WDR27: variants seen among roughly 807,000 people sequenced by gnomAD.
WDR27 encodes WD repeat domain 27.
A neutral mutation model predicts 114.4 loss-of-function variants in WDR27; 100 were observed. The ratio of observed to expected loss-of-function variants is 0.87; its 90% CI spans 0.74 to 1.03. The LOEUF is 1.03. Ranked by LOEUF, WDR27 falls within the 50% of genes least tolerant of loss-of-function variation. The pLI is 0.00. For synonymous variants in WDR27, 449 were observed against 423.1 expected (o/e 1.06, Z -0.75); for missense variants, 1,129 against 1,092.9 (o/e 1.03, Z -0.47).
At chr6:169,598,140 T>A (rs914181249) in intron 23 of WDR27, among the ~76,000 whole-genome samples, 1 of 152,174 alleles carries the variant, frequency 6.6e-6, no homozygotes, top group African/African-American at 2.4e-5. Context: ...ATATGAAGAA[T>A]GTGATCTTAT....
At chr6:169,502,360 C>G (rs968663075) in intron 25 of WDR27, among the ~76,000 whole-genome samples, 2 of 152,224 alleles carry the variant, frequency 1.3e-5, no homozygotes, top group Non-Finnish European at 2.9e-5. Flanking sequence ...CACGGACGGT[C>G]CCTGTCGCAG....
chr6:169,602,053 T>C (rs895290759), intron 23 of WDR27, among the ~76,000 whole-genome samples, 166 bp downstream of exon 23: 2 of 152,248 alleles, frequency 1.3e-5, no homozygotes, highest in Admixed American at 6.5e-5. Context: ...ACATCTTTCA[T>C]ACCTCACACA....
At chr6:169,569,560 A>G (rs893040507) in intron 25 of WDR27, among the ~76,000 whole-genome samples, 1 of 152,242 alleles carries the variant, frequency 6.6e-6, no homozygotes, top group East Asian at 1.9e-4. Flanking sequence ...CAAAGCAAAC[A>G]TAAATATGGT....
chr6:169,565,758 A>C (rs12206809), intron 25 of WDR27, among the ~76,000 whole-genome samples: 89,433 of 151,950 alleles, frequency 0.59, 29,044 homozygotes, highest in Non-Finnish European at 0.72. Flanking sequence ...CACTTGCAGC[A>C]TCGACCTCCC....
In WDR27 at chr6:169,668,524, A is replaced by C; in HGVS notation, c.457-339T>G. ...CAAGACGGTGCGGCAATAGGCGCTC[A>C]TGAGTTACCCTTTCCTCCTCAAGTC... is the stretch of plus-strand genomic sequence containing the variant. On this transcript the variant is annotated intron_variant, in intron 4 of 25. Transcript: ENST00000448612. 1.9e-5 allele frequency: 4 copies of C among 216,068 alleles called. No individual in the cohort carries two copies. The South Asian group carries it at 2.2e-4, about 12-fold the overall frequency. The allele number at this position is 216,068 out of a possible 1,614,324, so 13.4% of individuals were successfully genotyped here. A position where few individuals can be genotyped will look rare whatever the true frequency, so the allele number is the denominator to read the frequency against.
intron 25 of WDR27, among the ~76,000 whole-genome samples, chr6:169,462,308 G>A (rs960779614): frequency 3.3e-5 from 5 of 152,020 alleles, no homozygotes; most frequent in African/African-American, 9.7e-5. Context: ...GTAGTGGCAC[G>A]TGCCTGTAAT....
At chr6:169,596,605 C>T (rs1366233364) in intron 23 of WDR27, among the ~76,000 whole-genome samples, 3 of 151,582 alleles carry the variant, frequency 2.0e-5, no homozygotes, top group African/African-American at 7.3e-5. Flanking sequence ...TTGGTTCATC[C>T]TTATTTTTTT....
At position 169,686,030 on chromosome 6, in the gene WDR27, G is replaced by T. The variant is rs558507103; in HGVS notation, c.189+2787C>A. ...AGCAGAAACCTTACAGTTCAGGAGA[G>T]AACTGGTTGCTATATTCAAAGTACT... On this transcript the variant is annotated intron_variant, in intron 2 of 25. Coordinates refer to ENST00000448612, the MANE Select transcript of WDR27 (RefSeq NM_182552.5). Among the ~76,000 whole-genome samples, 5 of 152,308 alleles carry T rather than the reference G, an allele frequency of 3.3e-5. No homozygotes were observed. In the East Asian group the frequency reaches 7.7e-4, roughly 23 times the overall value.
chr6:169,658,387 A>C, intron 12 of WDR27, 29 bp from the exon 13 acceptor site: 3 of 1,538,598 alleles, frequency 1.9e-6, no homozygotes, highest in Non-Finnish European at 2.7e-6. Context: ...CCATGAAACT[A>C]GGAGCGCAAA....
At chr6:169,651,736 A>G (rs1352155420) in intron 14 of WDR27, among the ~76,000 whole-genome samples, 194 bp downstream of exon 14, 4 of 152,276 alleles carry the variant, frequency 2.6e-5, no homozygotes, top group African/African-American at 9.6e-5. Flanking sequence ...ATGCTCAGGA[A>G]ACGTTTGCTG....
downstream of WDR27, among the ~76,000 whole-genome samples, chr6:169,455,180 C>A (rs767653400): frequency 2.0e-5 from 3 of 152,218 alleles, no homozygotes; most frequent in Non-Finnish European, 4.4e-5. Context: ...GGCCTCTCAG[C>A]CTGATCAAGT....
the WDR27 span, among the ~76,000 whole-genome samples, chr6:169,429,419 A>G: frequency 7.0e-6 from 1 of 143,242 alleles, no homozygotes; most frequent in African/African-American, 2.5e-5. Context: ...TGTCTGCAAC[A>G]AGACTGAGTC....
intron 25 of WDR27, among the ~76,000 whole-genome samples, chr6:169,570,280 A>G (rs73790026): frequency 0.016 from 2,467 of 152,262 alleles, 63 homozygotes; most frequent in African/African-American, 0.057. Flanking sequence ...GGACAAACAC[A>G]AGGACTAAAA....
chr6:169,429,429 C>G, the WDR27 span, among the ~76,000 whole-genome samples: 4 of 104,348 alleles, frequency 3.8e-5, no homozygotes, highest in Non-Finnish European at 7.1e-5. Flanking sequence ...AAGACTGAGT[C>G]CTTTTTTTTT....
intron 25 of WDR27, among the ~76,000 whole-genome samples, chr6:169,542,634 T>G (rs1796969525): frequency 6.6e-6 from 1 of 152,130 alleles, no homozygotes; most frequent in African/African-American, 2.4e-5. Flanking sequence ...AATAGTCTTG[T>G]ATTAATGTTA....
At chr6:169,656,564 C>T (rs1477409843) in intron 13 of WDR27, among the ~76,000 whole-genome samples, 3 of 151,512 alleles carry the variant, frequency 2.0e-5, no homozygotes, top group East Asian at 3.9e-4. Context: ...CGAAGAGGTT[C>T]GGGGGGCTGA....
In WDR27 at chr6:169,575,280, C is replaced by T. The variant is rs1159956938; in HGVS notation, c.2524-2740G>A. ...CCTCCTTCCCTCTCTCTCCATCCAT[C>T]CCTCCCTCCCTCCCTCTCTCCATCC... On this transcript the variant is annotated intron_variant, in intron 24 of 25. Transcript: ENST00000448612. Among the ~76,000 whole-genome samples the T allele has an allele frequency of 3.9e-5, 5 of 128,738 alleles. 1 individual carries two copies. Among genetic ancestry groups the T allele is most frequent in the Non-Finnish European group, 6.7e-5 (4 of 59,634 alleles). 84.5% of individuals were successfully genotyped at this position (128,738 alleles called of 152,430 possible). A position where few individuals can be genotyped will look rare whatever the true frequency, so the allele number is the denominator to read the frequency against.
chr6:169,447,074 T>G, the WDR27 span, among the ~76,000 whole-genome samples: 16 of 152,368 alleles, frequency 1.1e-4, no homozygotes, highest in African/African-American at 3.8e-4. Flanking sequence ...ATGGCACTTT[T>G]AAAAATCAAG....
chr6:169,557,788 C>T (rs1584204212), intron 25 of WDR27, among the ~76,000 whole-genome samples: 1 of 152,136 alleles, frequency 6.6e-6, no homozygotes, highest in Middle Eastern at 3.4e-3. Flanking sequence ...ATAAAAACAT[C>T]AAAGTATTTT....
Sources: gnomAD v4.1 joint callset for allele counts (sites outside exome capture counted in the v4.1 genomes callset) on GRCh38, gnomAD v4.1.1 for gene constraint, MANE v1.5 for transcripts, NCBI Gene and HGNC (gene_info 2026-07-23, HGNC 2026-07-21) for gene names.